Variants in ARMC8 observed in about 807,000 individuals in gnomAD.
The protein encoded by ARMC8 is armadillo repeat-containing protein 8.
In ARMC8, 20 loss-of-function variants were observed where a neutral mutation model predicts 99.3. The ratio of observed to expected loss-of-function variants is 0.20; its 90% confidence interval spans 0.14 to 0.29. The LOEUF (loss-of-function observed/expected upper bound fraction) is 0.29. Ranked by LOEUF, ARMC8 falls within the 10% of genes least tolerant of loss-of-function variation. The probability of loss-of-function intolerance (pLI) is 1.00; values close to 1 mark genes in which losing one functional copy is unlikely to be tolerated. For missense variants in ARMC8, 569 were observed against 809.5 expected, an observed-to-expected ratio of 0.70 and a Z score of 3.60; for synonymous variants, 263 against 278.3, an observed-to-expected ratio of 0.95 and a Z score of 0.55.
intron 5 of ARMC8, among the ~76,000 whole-genome samples, chr3:138,225,113 T>TC (rs2045615078): frequency 6.7e-6 from 1 of 148,716 alleles, no homozygotes; most frequent in South Asian, 2.2e-4. Flanking sequence ...TTCTGGCTTT[T>TC]TTTTTTTTTT....
At chr3:138,243,724 A>G (rs1209827855) in intron 11 of ARMC8, among the ~76,000 whole-genome samples, 3 of 152,138 alleles carry the variant, frequency 2.0e-5, no homozygotes, top group Admixed American at 6.6e-5. Flanking sequence ...GAATTTCTCC[A>G]TCTTCACACA....
intron 12 of ARMC8, among the ~76,000 whole-genome samples, chr3:138,260,417 C>G (rs1421190894): frequency 3.9e-5 from 6 of 152,186 alleles, no homozygotes; most frequent in African/African-American, 1.4e-4. Context: ...ATATCCACTC[C>G]ATAACATTCC....
At chr3:138,247,065 TCTA>T (rs1252810428) in intron 12 of ARMC8, among the ~76,000 whole-genome samples, 1 of 152,138 alleles carries the variant, frequency 6.6e-6, no homozygotes, top group Non-Finnish European at 1.5e-5. Flanking sequence ...TGTGATAAAA[TCTA>T]CTTGAAGACT....
chr3:138,254,892 A>G (rs185953806), intron 12 of ARMC8, among the ~76,000 whole-genome samples: 390 of 152,350 alleles, frequency 2.6e-3, no homozygotes, highest in Non-Finnish European at 4.6e-3. Flanking sequence ...TATAAATGAC[A>G]AAATATCATG....
At chr3:138,239,643 G>T (rs559484566) in intron 10 of ARMC8, 115 bp downstream of exon 10, 4 of 568,456 alleles carry the variant, frequency 7.0e-6, no homozygotes, top group Admixed American at 7.2e-5. Context: ...TGTGCATGGC[G>T]TAGAATAATA....
At chr3:138,222,307 T>A (rs1200520872) in intron 3 of ARMC8, among the ~76,000 whole-genome samples, 1 of 152,232 alleles carries the variant, frequency 6.6e-6, no homozygotes, top group Non-Finnish European at 1.5e-5. Flanking sequence ...TCCATTTCCT[T>A]AGAGCCTTGG....
chr3:138,237,665 A>C, intron 9 of ARMC8, 93 bp downstream of exon 9: 1 of 997,610 alleles, frequency 1.0e-6, no homozygotes, highest in Non-Finnish European at 1.5e-6. Context: ...TCCAATCCCC[A>C]TTTTATTTTG....
chr3:138,189,238 C>G (rs2043241322), intron 1 of ARMC8, among the ~76,000 whole-genome samples: 3 of 149,970 alleles, frequency 2.0e-5, no homozygotes, highest in Admixed American at 1.3e-4. Context: ...ATTAATACTT[C>G]TATTTAGGAT....
At chr3:138,294,938 G>A (rs563260707) in intron 21 of ARMC8, among the ~76,000 whole-genome samples, 16 of 147,706 alleles carry the variant, frequency 1.1e-4, no homozygotes, top group East Asian at 2.0e-4. Context: ...CACTCTTGTC[G>A]CACAGGCTGG....
chr3:138,200,281 G>C (rs921040950), intron 1 of ARMC8, among the ~76,000 whole-genome samples: 1 of 150,748 alleles, frequency 6.6e-6, no homozygotes, highest in Non-Finnish European at 1.5e-5. Context: ...TAGTTTTGTT[G>C]TGAATGTGAC....
chr3:138,242,916 T>C (rs554009353), intron 11 of ARMC8, among the ~76,000 whole-genome samples: 1 of 152,348 alleles, frequency 6.6e-6, no homozygotes, highest in Non-Finnish European at 1.5e-5. Flanking sequence ...AGTAATGTAC[T>C]CTACTCTCTG....
intron 11 of ARMC8, among the ~76,000 whole-genome samples, chr3:138,243,852 T>C (rs2046752551): frequency 6.6e-6 from 1 of 152,202 alleles, no homozygotes; most frequent in African/African-American, 2.4e-5. Context: ...CAGAATGTTA[T>C]GAACAACACC....
chr3:138,194,372 C>CT (rs1465073788), intron 1 of ARMC8, among the ~76,000 whole-genome samples: 1 of 127,812 alleles, frequency 7.8e-6, no homozygotes, highest in Non-Finnish European at 1.6e-5. Flanking sequence ...GACGGAGTCT[C>CT]TGTCGCCCAG....
At chr3:138,235,317 A>G (rs759449551) in intron 7 of ARMC8, among the ~76,000 whole-genome samples, 9 of 151,514 alleles carry the variant, frequency 5.9e-5, no homozygotes, top group Non-Finnish European at 4.4e-5. Flanking sequence ...TTTAGGATAC[A>G]GTTGTACCAT....
intron 1 of ARMC8, among the ~76,000 whole-genome samples, chr3:138,208,087 T>TG (rs1338124210): frequency 1.9e-5 from 2 of 106,218 alleles, no homozygotes; most frequent in Admixed American, 2.2e-4. Context: ...ACGGCATCTC[T>TG]GTTTTTTTTT....
chr3:138,187,711 C>T lies in ARMC8; in HGVS notation c.45+112C>T, dbSNP rs1576545497. 31 of 1,206,970 alleles carry T rather than the reference C, an allele frequency of 2.6e-5. No individual in the cohort carries two copies. In the East Asian group the frequency reaches 7.8e-4, roughly 30 times the overall value. 74.8% of individuals were successfully genotyped at this position (1,206,970 alleles called of 1,614,324 possible). On this transcript the variant is annotated intron_variant, in intron 1 of 21. Coordinates refer to ENST00000469044, the MANE Select transcript of ARMC8 (RefSeq NM_001363941.2). ...GGGCACCACCCCCTGGGGTGGACCCCGGCTCAGTCTCGGGCCAGGGAGTGA... is the reference window on the plus strand; with the variant it reads ...GGGCACCACCCCCTGGGGTGGACCCTGGCTCAGTCTCGGGCCAGGGAGTGA...
chr3:138,237,690 G>A (rs1490159175), intron 9 of ARMC8, 118 bp downstream of exon 9: 4 of 788,440 alleles, frequency 5.1e-6, no homozygotes, highest in East Asian at 5.4e-5. Flanking sequence ...TTTGAAATTT[G>A]AAAGTCAGGA....
chr3:138,244,967 A>T, intron 11 of ARMC8, 121 bp from the exon 12 acceptor site: 1 of 1,206,612 alleles, frequency 8.3e-7, no homozygotes, highest in Non-Finnish European at 1.1e-6. Context: ...AAATGTAGTT[A>T]ATGACTGGGA....
At chr3:138,243,675 C>T (rs1449018844) in intron 11 of ARMC8, among the ~76,000 whole-genome samples, 1 of 152,062 alleles carries the variant, frequency 6.6e-6, no homozygotes, top group Non-Finnish European at 1.5e-5. Context: ...CTTTTGCTTT[C>T]TGTGGAATTT....
Sources: gnomAD v4.1 joint callset for allele counts (sites outside exome capture counted in the v4.1 genomes callset) on GRCh38, gnomAD v4.1.1 for gene constraint, MANE v1.5 for transcripts, NCBI Gene and HGNC (gene_info 2026-07-23, HGNC 2026-07-21) for gene names.